SLC25A21: variants seen among roughly 807,000 people sequenced by gnomAD.
SLC25A21 encodes the protein mitochondrial 2-oxodicarboxylate carrier.
SLC25A21 carries 47 observed loss-of-function variants against 43.8 expected under a neutral mutation model. The ratio of observed to expected loss-of-function variants is 1.07; its 90% CI spans 0.85 to 1.37. The LOEUF (loss-of-function observed/expected upper bound fraction) is 1.37, where lower values mean the gene tolerates loss of function less well. Among genes scored for constraint, SLC25A21 ranks in the 40% most tolerant of loss-of-function variants. The pLI is 0.00. For synonymous variants in SLC25A21, 131 were observed against 121.3 expected, an observed-to-expected ratio of 1.08 and a Z score of -0.52; for missense variants, 352 against 350.2, an observed-to-expected ratio of 1.00 and a Z score of -0.04.
chr14:36,972,504 G>A (rs1056457933), intron 1 of SLC25A21, among the ~76,000 whole-genome samples: 9 of 152,140 alleles, frequency 5.9e-5, no homozygotes, highest in African/African-American at 2.2e-4. Context: ...GGAGGCAAAG[G>A]TTAACAGGCC....
chr14:36,756,541 T>G (rs1035286008), intron 3 of SLC25A21, among the ~76,000 whole-genome samples: 2 of 152,182 alleles, frequency 1.3e-5, no homozygotes, highest in Non-Finnish European at 2.9e-5. Flanking sequence ...CGGAAAACAC[T>G]TTTTTGAAAA....
At position 36,736,085 on chromosome 14, in the gene SLC25A21, G is replaced by A. The variant is rs1184347045; in HGVS notation, c.204-1512C>T. On this transcript the variant is annotated intron_variant, in intron 3 of 9. Coordinates refer to ENST00000331299, the MANE Select transcript of SLC25A21 (RefSeq NM_030631.4). ...CGAGTAGCTGGGACTACAGGCACCC[G>A]CCACCACGCCCGGCTAATTTTTTAT... Among the ~76,000 whole-genome samples, 14 of 151,568 alleles carry A rather than the reference G, an allele frequency of 9.2e-5. No homozygotes were observed. In the South Asian group the frequency reaches 2.1e-3, roughly 23 times the overall value.
intron 1 of SLC25A21, among the ~76,000 whole-genome samples, chr14:37,138,556 C>G (rs189071120): frequency 6.6e-6 from 1 of 152,192 alleles, no homozygotes; most frequent in African/African-American, 2.4e-5. Flanking sequence ...ATTTATATAG[C>G]TCTGCCTTAA....
At chr14:36,707,693 T>C (rs1375601316) in intron 7 of SLC25A21, among the ~76,000 whole-genome samples, 1 of 152,226 alleles carries the variant, frequency 6.6e-6, no homozygotes, top group African/African-American at 2.4e-5. Flanking sequence ...ATGGCACATG[T>C]TAGCACTGTC....
intron 1 of SLC25A21, among the ~76,000 whole-genome samples, chr14:36,917,457 A>G (rs961694523): frequency 1.3e-5 from 2 of 152,124 alleles, no homozygotes; most frequent in Non-Finnish European, 2.9e-5. Flanking sequence ...TTTTCTTATA[A>G]TAATTTTGTA....
At chr14:37,132,143 G>A (rs1433513043) in intron 1 of SLC25A21, among the ~76,000 whole-genome samples, 2 of 152,140 alleles carry the variant, frequency 1.3e-5, no homozygotes, top group African/African-American at 4.8e-5. Context: ...GCAAAAGGGG[G>A]CCAAACTTAT....
chr14:37,082,644 G>C (rs1236595580), intron 1 of SLC25A21, among the ~76,000 whole-genome samples: 1 of 152,118 alleles, frequency 6.6e-6, no homozygotes, highest in African/African-American at 2.4e-5. Flanking sequence ...TTCAAAAAAT[G>C]TTAGTTCCTT....
At chr14:36,891,378 T>C (rs1444841541) in intron 1 of SLC25A21, among the ~76,000 whole-genome samples, 1 of 152,132 alleles carries the variant, frequency 6.6e-6, no homozygotes, top group Non-Finnish European at 1.5e-5. Context: ...ATAGGAGAGG[T>C]ATGAATTCTG....
intron 2 of SLC25A21, among the ~76,000 whole-genome samples, chr14:36,869,343 A>G (rs1890301073): frequency 6.6e-6 from 1 of 152,166 alleles, no homozygotes; most frequent in Non-Finnish European, 1.5e-5. Context: ...ATAAGCATAA[A>G]CCCACAGGGA....
chr14:36,832,492 C>T (rs1377156247), intron 2 of SLC25A21, among the ~76,000 whole-genome samples: 1 of 152,040 alleles, frequency 6.6e-6, no homozygotes, highest in African/African-American at 2.4e-5. Context: ...ATCTTTTTTG[C>T]ACTTTTATAG....
At chr14:37,011,536 A>C (rs773760774) in intron 1 of SLC25A21, among the ~76,000 whole-genome samples, 1 of 152,220 alleles carries the variant, frequency 6.6e-6, no homozygotes, top group Non-Finnish European at 1.5e-5. Flanking sequence ...CTGGGAGGCA[A>C]TACAGCAGCA....
chr14:37,053,538 G>T (rs1961756071), intron 1 of SLC25A21, among the ~76,000 whole-genome samples: 1 of 152,126 alleles, frequency 6.6e-6, no homozygotes. Flanking sequence ...TGGAGAAAAT[G>T]GAGAAAACAT....
At chr14:36,683,979 A>G in intron 8 of SLC25A21, 99 bp from the exon 9 acceptor site, 1 of 798,358 alleles carries the variant, frequency 1.3e-6, no homozygotes, top group South Asian at 1.9e-5. Context: ...AAAAAAATAA[A>G]TTATTTGGAA....
intron 1 of SLC25A21, among the ~76,000 whole-genome samples, chr14:37,103,614 C>A (rs1962857564): frequency 6.6e-6 from 1 of 152,166 alleles, no homozygotes; most frequent in Admixed American, 6.5e-5. Flanking sequence ...TATTCAAATT[C>A]TTCCAAGATC....
chr14:36,894,522 A>T (rs1594674715), intron 1 of SLC25A21, among the ~76,000 whole-genome samples: 1 of 151,918 alleles, frequency 6.6e-6, no homozygotes, highest in South Asian at 2.1e-4. Flanking sequence ...CTAATTGAAT[A>T]CCCTTTATTT....
intron 1 of SLC25A21, among the ~76,000 whole-genome samples, chr14:37,040,440 A>AAAG (rs68013942): frequency 0.021 from 1,014 of 48,660 alleles, 4 homozygotes; most frequent in African/African-American, 0.076. Context: ...AGAAAGAAAG[A>AAAG]AAAGAAAAAT....
intron 2 of SLC25A21, among the ~76,000 whole-genome samples, chr14:36,839,823 C>A (rs922356130): frequency 6.6e-6 from 1 of 152,202 alleles, no homozygotes; most frequent in Non-Finnish European, 1.5e-5. Flanking sequence ...CAAACCTATT[C>A]AGCATGTTAC....
intron 1 of SLC25A21, among the ~76,000 whole-genome samples, chr14:36,953,958 ATAAT>A (rs1447028001): frequency 6.6e-6 from 1 of 152,198 alleles, no homozygotes; most frequent in African/African-American, 2.4e-5. Flanking sequence ...TTCACATGGA[ATAAT>A]TAGTTTTTTC....
At chr14:36,783,353 G>A (rs927002293) in intron 3 of SLC25A21, among the ~76,000 whole-genome samples, 1 of 152,118 alleles carries the variant, frequency 6.6e-6, no homozygotes, top group Admixed American at 6.5e-5. Flanking sequence ...TCATCAGCAA[G>A]CCCCCTGATA....
Sources: allele counts gnomAD v4.1 joint callset (sites outside exome capture counted in the v4.1 genomes callset), GRCh38; gene constraint gnomAD v4.1.1; transcripts MANE v1.5; gene names NCBI Gene and HGNC (gene_info 2026-07-23, HGNC 2026-07-21).